The following SNTG1 variants were observed in gnomAD, a reference collection of about 807,000 sequenced individuals.
SNTG1 encodes gamma-1-syntrophin.
A neutral mutation model predicts 74.7 loss-of-function variants in SNTG1; 39 were observed. The observed-to-expected ratio is 0.52, with a 90% confidence interval of 0.40 to 0.68. The LOEUF is 0.68. Ranked by LOEUF, SNTG1 falls within the 30% of genes least tolerant of loss-of-function variation. SNTG1 has a pLI of 0.00. For missense variants in SNTG1, 685 were observed against 609.5 expected, an observed-to-expected ratio of 1.12 and a Z score of -1.30; for synonymous variants, 254 against 217.1, an observed-to-expected ratio of 1.17 and a Z score of -1.49.
At chr8:50,613,224 GT>G (rs2094863479) in intron 13 of SNTG1, among the ~76,000 whole-genome samples, 2 of 152,236 alleles carry the variant, frequency 1.3e-5, no homozygotes, top group East Asian at 3.9e-4. Flanking sequence ...GGTGAAGTTC[GT>G]TTTAAGCCTG....
intron 2 of SNTG1, among the ~76,000 whole-genome samples, chr8:50,390,478 A>T (rs1031024702): frequency 3.3e-5 from 5 of 152,174 alleles, no homozygotes; most frequent in Admixed American, 2.0e-4. Context: ...GTAACTTTGT[A>T]GTATAGTTTG....
chr8:50,411,492 T>C (rs572578684), intron 4 of SNTG1, among the ~76,000 whole-genome samples: 17 of 148,556 alleles, frequency 1.1e-4, no homozygotes, highest in Non-Finnish European at 2.1e-4. Context: ...AAAAATAAAA[T>C]AAAAACAGAA....
intron 2 of SNTG1, among the ~76,000 whole-genome samples, chr8:50,270,335 C>G (rs1201555603): frequency 2.0e-5 from 3 of 152,002 alleles, no homozygotes. Context: ...AACTTTCAGT[C>G]CTATCATAGA....
intron 17 of SNTG1, among the ~76,000 whole-genome samples, chr8:50,723,754 A>C (rs959060812): frequency 3.3e-5 from 5 of 152,044 alleles, no homozygotes; most frequent in African/African-American, 1.2e-4. Context: ...GGAGAGGTGC[A>C]CAGCAGGAGG....
intron 13 of SNTG1, among the ~76,000 whole-genome samples, chr8:50,644,706 T>C (rs1415547545): frequency 6.6e-6 from 1 of 152,132 alleles, no homozygotes; most frequent in Non-Finnish European, 1.5e-5. Context: ...CCTGTGTTGT[T>C]GAAGGGTCAA....
At chr8:50,124,040 T>C (rs966160683) in intron 1 of SNTG1, among the ~76,000 whole-genome samples, 1 of 142,830 alleles carries the variant, frequency 7.0e-6, no homozygotes, top group African/African-American at 2.5e-5. Context: ...CTCAGATTAA[T>C]ATGTTAAATT....
At chr8:50,442,129 T>G (rs1306233625) in intron 5 of SNTG1, among the ~76,000 whole-genome samples, 5 of 152,192 alleles carry the variant, frequency 3.3e-5, no homozygotes, top group Non-Finnish European at 1.5e-5. Context: ...CTCCCAGTTT[T>G]GATGAACTAT....
At chr8:50,327,074 T>C (rs757183796) in intron 2 of SNTG1, among the ~76,000 whole-genome samples, 6 of 152,128 alleles carry the variant, frequency 3.9e-5, no homozygotes, top group Middle Eastern at 3.2e-3. Flanking sequence ...TGATTTCTGT[T>C]CTTTTAAATA....
intron 2 of SNTG1, among the ~76,000 whole-genome samples, chr8:50,212,624 T>G (rs985648791): frequency 2.6e-5 from 4 of 152,154 alleles, no homozygotes; most frequent in Non-Finnish European, 1.5e-5. Flanking sequence ...AGTATTCTGT[T>G]TTCCTATTAC....
chr8:50,751,391 C>T (rs1332485085), intron 17 of SNTG1, among the ~76,000 whole-genome samples: 2 of 152,040 alleles, frequency 1.3e-5, no homozygotes, highest in Non-Finnish European at 2.9e-5. Context: ...TTGCCAATTT[C>T]ACCTTTTATA....
At chr8:50,094,237 G>A (rs1278693818) in intron 1 of SNTG1, among the ~76,000 whole-genome samples, 1 of 152,072 alleles carries the variant, frequency 6.6e-6, no homozygotes, top group Non-Finnish European at 1.5e-5. Context: ...TGTGCTAAGG[G>A]AAAGAAGATG....
intron 8 of SNTG1, among the ~76,000 whole-genome samples, chr8:50,483,759 G>A (rs1219335362): frequency 6.6e-6 from 1 of 152,132 alleles, no homozygotes; most frequent in African/African-American, 2.4e-5. Context: ...ACTGTATTCT[G>A]CAGCTGCAAA....
At chr8:50,691,793 C>T (rs888771392) in intron 15 of SNTG1, among the ~76,000 whole-genome samples, 2 of 152,090 alleles carry the variant, frequency 1.3e-5, no homozygotes, top group African/African-American at 2.4e-5. Context: ...TGAATGTTGG[C>T]CTGCCTTGCT....
intron 13 of SNTG1, among the ~76,000 whole-genome samples, 176 bp from the exon 14 acceptor site, chr8:50,656,733 C>A (rs2271204): frequency 0.22 from 32,671 of 151,880 alleles, 3,936 homozygotes; most frequent in African/African-American, 0.31. Context: ...TTTACTGAAG[C>A]CAAATCTGGT....
At chr8:50,049,189 A>T (rs1032234135) in intron 1 of SNTG1, among the ~76,000 whole-genome samples, 1 of 152,142 alleles carries the variant, frequency 6.6e-6, no homozygotes. Flanking sequence ...ACTTTAATTT[A>T]AAATGTTCTA....
chr8:50,352,593 G>A (rs955985396), intron 2 of SNTG1, among the ~76,000 whole-genome samples: 8 of 151,928 alleles, frequency 5.3e-5, no homozygotes, highest in Admixed American at 4.6e-4. Flanking sequence ...TTTTCACCAT[G>A]TTAGTCAGGC....
At chr8:50,217,422 C>T (rs2084845853) in intron 2 of SNTG1, among the ~76,000 whole-genome samples, 1 of 151,972 alleles carries the variant, frequency 6.6e-6, no homozygotes, top group African/African-American at 2.4e-5. Context: ...ATTTCCTGAC[C>T]TTTGCAATAA....
chr8:50,619,453 C>T (rs893328575), intron 13 of SNTG1, among the ~76,000 whole-genome samples: 11 of 152,032 alleles, frequency 7.2e-5, no homozygotes, highest in African/African-American at 2.2e-4. Flanking sequence ...TCACAGGGGC[C>T]GGGCAAGGTG....
Position 50,430,360 on chromosome 8 carries a change from T to C in SNTG1, c.163-8183T>C, listed in dbSNP as rs117305584. The stretch of plus-strand genomic sequence containing the variant: ...TAAGCTAAACATGAGTTTATACTGA[T>C]GTCCCCAACTAGTTTCCACAACCTC... On this transcript the variant is annotated intron_variant, in intron 4 of 18. Coordinates refer to ENST00000642720, the MANE Select transcript of SNTG1 (RefSeq NM_018967.5). Among the ~76,000 whole-genome samples the C allele has an allele frequency of 9.2e-3, 1,402 of 152,330 alleles. 7 individuals are homozygous for C. The highest frequency in any genetic ancestry group is 0.013 in the Non-Finnish European group (914 of 68,022).
Sources: gnomAD v4.1 joint callset for allele counts (sites outside exome capture counted in the v4.1 genomes callset) on GRCh38, gnomAD v4.1.1 for gene constraint, MANE v1.5 for transcripts, NCBI Gene and HGNC (gene_info 2026-07-23, HGNC 2026-07-21) for gene names.